CLEC16A: variants seen among roughly 807,000 people sequenced by gnomAD.
The protein encoded by CLEC16A is protein CLEC16A.
Under a neutral mutation model 109.5 loss-of-function variants are expected in CLEC16A, and 51 were observed. The observed-to-expected ratio is 0.47, with a 90% CI of 0.37 to 0.59. The LOEUF is 0.59. CLEC16A is among the 20% of genes least tolerant of loss of function. CLEC16A has a pLI of 0.00. For synonymous variants in CLEC16A, 673 were observed against 564.2 expected, an observed-to-expected ratio of 1.19 and a Z score of -2.73; for missense variants, 1,339 against 1,394.0, an observed-to-expected ratio of 0.96 and a Z score of 0.63.
At chr16:11,095,898 G>T (rs1052326193) in intron 19 of CLEC16A, among the ~76,000 whole-genome samples, 1 of 151,710 alleles carries the variant, frequency 6.6e-6, no homozygotes, top group African/African-American at 2.4e-5. Flanking sequence ...CACTTTGGAA[G>T]TTAATGGACT....
chr16:11,069,442 A>T (rs201866939), intron 19 of CLEC16A, among the ~76,000 whole-genome samples: 6 of 146,046 alleles, frequency 4.1e-5, no homozygotes, highest in Non-Finnish European at 9.1e-5. Flanking sequence ...TATTATTACT[A>T]TTTTTTTTTT....
intron 19 of CLEC16A, among the ~76,000 whole-genome samples, chr16:11,101,676 C>A (rs1404435069): frequency 6.6e-6 from 1 of 152,200 alleles, no homozygotes. Context: ...AATCCTTGCC[C>A]TCATAGAACT....
At chr16:10,985,258 G>C (rs1374645856) in intron 10 of CLEC16A, among the ~76,000 whole-genome samples, 8 of 149,762 alleles carry the variant, frequency 5.3e-5, no homozygotes, top group Admixed American at 5.3e-4. Flanking sequence ...AGTGCCTGCT[G>C]GGTTGCAAAC....
intron 23 of CLEC16A, among the ~76,000 whole-genome samples, chr16:11,173,959 TG>T (rs35449678): frequency 6.6e-6 from 1 of 152,074 alleles, no homozygotes; most frequent in African/African-American, 2.4e-5. Flanking sequence ...GGGGGTTGCA[TG>T]GGGGGTGTCT....
chr16:11,126,334 CT>C, intron 22 of CLEC16A, 188 bp downstream of exon 22: 1 of 1,483,684 alleles, frequency 6.7e-7, no homozygotes, highest in Non-Finnish European at 9.0e-7. Flanking sequence ...TAAATTTTGG[CT>C]TTCCCTTTAG....
chr16:11,139,566 T>G (rs1380358993), intron 22 of CLEC16A, among the ~76,000 whole-genome samples: 1 of 152,240 alleles, frequency 6.6e-6, no homozygotes, highest in Non-Finnish European at 1.5e-5. Flanking sequence ...TGCTGAAGCC[T>G]CAGAGTAATC....
Position 11,126,046 on chromosome 16 carries a change from C to T in CLEC16A, c.2541C>T (p.Ser847=). Residue 847 remains serine (S), a synonymous_variant, in exon 22 of 24, where the codon TCC becomes TCT. Transcript: ENST00000409790. ...GGTTTGGACTCGGCTCCTCCACCTC[C>T]ACTCAGCACCTGCCTTTCCGCTTCT... ...VLGFGLGSST[S]TQHLPFRFYD... is the part of the protein sequence containing the mutation. 6.2e-7 allele frequency: 1 copy of T among 1,613,944 alleles called. No individual in the cohort carries two copies. Among genetic ancestry groups the T allele is most frequent in the African/African-American group, 1.3e-5 (1 of 75,026 alleles).
intron 22 of CLEC16A, among the ~76,000 whole-genome samples, chr16:11,160,689 C>G (rs544835540): frequency 5.9e-5 from 9 of 152,328 alleles, no homozygotes; most frequent in African/African-American, 1.9e-4. Flanking sequence ...TTAAGTTCAA[C>G]TACATAGTAA....
At chr16:10,966,584 A>G (rs183203741) in intron 3 of CLEC16A, among the ~76,000 whole-genome samples, 2 of 152,288 alleles carry the variant, frequency 1.3e-5, no homozygotes, top group African/African-American at 4.8e-5. Flanking sequence ...TTTATAAGGG[A>G]AAGAGGTTTC....
intron 11 of CLEC16A, among the ~76,000 whole-genome samples, chr16:11,017,199 G>T (rs769673729): frequency 6.6e-6 from 1 of 152,158 alleles, no homozygotes; most frequent in Non-Finnish European, 1.5e-5. Flanking sequence ...CGGGCCCGCT[G>T]CCAAAACATC....
At chr16:11,167,085 A>G (rs79109446) in intron 23 of CLEC16A, among the ~76,000 whole-genome samples, 4 of 152,308 alleles carry the variant, frequency 2.6e-5, no homozygotes, top group South Asian at 4.1e-4. Flanking sequence ...GACATGGCAC[A>G]GAGGGAACCC....
At position 10,962,369 on chromosome 16, in the gene CLEC16A, T is replaced by G. The variant is rs1232271156; in HGVS notation, c.210-86T>G. On this transcript the variant is annotated intron_variant, in intron 2 of 23. Transcript: ENST00000409790. ...CCTTGGGGGAGAGGGGTGAATCTAA[T>G]ACTTGTGTTGTGAATGAAACCAGAT... 3.9e-6 allele frequency: 6 copies of G among 1,541,718 alleles called. No individual in the cohort carries two copies. In the Admixed American group the frequency reaches 1.0e-4, roughly 26 times the overall value.
chr16:11,061,241 A>G (rs2048465110), intron 19 of CLEC16A, among the ~76,000 whole-genome samples: 1 of 152,170 alleles, frequency 6.6e-6, no homozygotes, highest in Non-Finnish European at 1.5e-5. Context: ...CTGCTTTCAC[A>G]CAGCTGGTTC....
At chr16:11,143,546 T>C (rs1156935484) in intron 22 of CLEC16A, among the ~76,000 whole-genome samples, 1 of 152,186 alleles carries the variant, frequency 6.6e-6, no homozygotes, top group Non-Finnish European at 1.5e-5. Context: ...CAACCTTCAT[T>C]TAACCTAAAA....
At chr16:11,075,902 C>G (rs1006382041) in intron 19 of CLEC16A, among the ~76,000 whole-genome samples, 1 of 152,130 alleles carries the variant, frequency 6.6e-6, no homozygotes, top group Non-Finnish European at 1.5e-5. Flanking sequence ...CATCCAAACC[C>G]CACTACTCCT....
chr16:10,990,664 A>G (rs2043953262), intron 10 of CLEC16A, among the ~76,000 whole-genome samples: 1 of 152,228 alleles, frequency 6.6e-6, no homozygotes, highest in African/African-American at 2.4e-5. Context: ...CTTAGACCCT[A>G]GCTGGCTTTT....
rs1175948357 is a variant in CLEC16A at position 11,037,843 on chromosome 16, G to A, written c.1538-1911G>A. On this transcript the variant is annotated intron_variant, in intron 13 of 23. Coordinates refer to ENST00000409790, the MANE Select transcript of CLEC16A (RefSeq NM_015226.3). ...AGTTCTCAAAGGGCCAGAAATTAAC[G>A]AGTAGAGAGATGTTAGGACAGTGTT... Among the ~76,000 whole-genome samples, 6 of 129,194 alleles carry A rather than the reference G, an allele frequency of 4.6e-5. 1 individual carries two copies. Among genetic ancestry groups the A allele is most frequent in the Non-Finnish European group, 7.6e-5 (5 of 65,516 alleles). 84.8% of individuals were successfully genotyped at this position (129,194 alleles called of 152,430 possible).
At chr16:11,172,471 C>T (rs377585934) in intron 23 of CLEC16A, among the ~76,000 whole-genome samples, 1 of 152,200 alleles carries the variant, frequency 6.6e-6, no homozygotes, top group African/African-American at 2.4e-5. Flanking sequence ...TCCAAGTGAA[C>T]TACCTTGGGG....
At chr16:11,055,261 A>G (rs1483242727) in intron 18 of CLEC16A, among the ~76,000 whole-genome samples, 2 of 152,234 alleles carry the variant, frequency 1.3e-5, no homozygotes, top group African/African-American at 4.8e-5. Context: ...GGAGGAAAGA[A>G]ACAGCATGCC....
Sources: allele counts gnomAD v4.1 joint callset (sites outside exome capture counted in the v4.1 genomes callset), GRCh38; gene constraint gnomAD v4.1.1; transcripts MANE v1.5; gene names NCBI Gene and HGNC (gene_info 2026-07-23, HGNC 2026-07-21).